Variants in HAL observed in about 807,000 individuals in gnomAD.
HAL encodes histidine ammonia-lyase, also known as histidase.
A neutral mutation model predicts 81.1 loss-of-function variants in HAL; 85 were observed. The ratio of observed to expected loss-of-function variants is 1.05; its 90% CI spans 0.88 to 1.25. The LOEUF (loss-of-function observed/expected upper bound fraction) is 1.25, where lower values mean the gene tolerates loss of function less well. Among genes scored for constraint, HAL ranks in the 50% most tolerant of loss-of-function variants. The pLI, the probability that HAL is intolerant of heterozygous loss-of-function variation, is 0.00. For missense variants in HAL, 798 were observed against 836.6 expected, an observed-to-expected ratio of 0.95 and a Z score of 0.57; for synonymous variants, 301 against 309.2, an observed-to-expected ratio of 0.97 and a Z score of 0.28.
intron 11 of HAL, among the ~76,000 whole-genome samples, 198 bp from the exon 12 acceptor site, chr12:95,987,412 C>T (rs376462637): frequency 3.9e-5 from 6 of 152,336 alleles, no homozygotes; most frequent in Non-Finnish European, 7.3e-5. Flanking sequence ...TATGTGAACT[C>T]GTAAGCACAA....
In HAL at chr12:95,995,890, G is replaced by A. The variant is rs1486703072; in HGVS notation, c.21C>T (p.His7=). 5 of 1,605,376 alleles carry A rather than the reference G, an allele frequency of 3.1e-6. No homozygotes were observed. The highest frequency in any genetic ancestry group is 1.3e-5 in the African/African-American group (1 of 75,066). Residue 7 remains histidine, a synonymous_variant, in exon 2 of 21, where the codon CAC becomes CAT. Coordinates refer to ENST00000261208, the MANE Select transcript of HAL (RefSeq NM_002108.4). ...GCACTGCCAGCCATTCCCCACGTACGTGCACCGTGTATCTGGGCATGGCTC... is the reference window on the plus strand; with the variant it reads ...GCACTGCCAGCCATTCCCCACGTACATGCACCGTGTATCTGGGCATGGCTC... MPRYTV[H]VRGEWLAVPC... is the part of the protein sequence containing the mutation.
rs865839161 is a variant in HAL at position 95,974,194 on chromosome 12, T to G, written c.*38A>C. The G allele has an allele frequency of 1.9e-6, 3 of 1,593,778 alleles. No homozygotes were observed. In the Middle Eastern group the frequency reaches 5.0e-4, roughly 264 times the overall value. ...AGCCTAGTATTGCTTTGTGCTAAAC[T>G]GACTGCCCTCTCATCTGCTACTTCA... On this transcript the variant is annotated 3_prime_UTR_variant, in exon 21 of 21. Coordinates refer to ENST00000261208, the MANE Select transcript of HAL (RefSeq NM_002108.4).
In HAL at chr12:95,992,704, T is replaced by C. The variant is rs758066170; in HGVS notation, c.691A>G (p.Lys231Glu). ...CCATTAAACATTTCTATGACTTGTT[T>C]GAGGGTCTCCAGGGAAATGCCACTG... Reference protein sequence around the residue: ...GYSGISLETLKQVIEMFNASC... With the variant: ...GYSGISLETLEQVIEMFNASC... Residue 231 changes from lysine (K) to glutamate (E), a missense_variant, in exon 9 of 21, where the codon AAA becomes GAA. Transcript: ENST00000261208. The C allele has an allele frequency of 1.9e-6, 3 of 1,612,926 alleles. No individual in the cohort carries two copies. In the African/African-American group the frequency reaches 4.0e-5, roughly 22 times the overall value.
chr12:95,980,195 T>C (rs542901791), intron 17 of HAL, among the ~76,000 whole-genome samples: 1 of 152,338 alleles, frequency 6.6e-6, no homozygotes, highest in East Asian at 1.9e-4. Flanking sequence ...TGGTTCAAGT[T>C]TCACCATTAA....
At chr12:95,986,967 A>C in intron 12 of HAL, 100 bp downstream of exon 12, 1 of 1,022,024 alleles carries the variant, frequency 9.8e-7, no homozygotes, top group Non-Finnish European at 1.5e-6. Context: ...CTCCTTCCCT[A>C]CTACCTGCCC....
chr12:95,986,937 G>T, intron 12 of HAL, 130 bp downstream of exon 12: 1 of 786,876 alleles, frequency 1.3e-6, no homozygotes, highest in Non-Finnish European at 2.2e-6. Context: ...CACTGGGTAC[G>T]CCACAGGCAC....
intron 18 of HAL, among the ~76,000 whole-genome samples, chr12:95,976,938 A>G (rs897417480): frequency 1.3e-5 from 2 of 152,194 alleles, no homozygotes; most frequent in Non-Finnish European, 2.9e-5. Context: ...TTACCTGAAT[A>G]ATTACCAGAC....
At chr12:95,983,590 G>A (rs151172556) in intron 15 of HAL, 216 of 395,248 alleles carry the variant, frequency 5.5e-4, no homozygotes, top group African/African-American at 3.7e-3. Flanking sequence ...CAACAACCTT[G>A]GCAGTGGGTT....
chr12:95,995,807 TAGCGCCTCACGGCCTCCCGGCCCAGCC>T lies in HAL; in HGVS notation c.77_103del (p.Trp26_Arg34del). The T allele has an allele frequency of 6.2e-7, 1 of 1,613,102 alleles. No homozygotes were observed. Among genetic ancestry groups the T allele is most frequent in the Non-Finnish European group, 8.5e-7 (1 of 1,180,012 alleles). ...ACCATTGTCGGGCTTATTCTTGATA[TAGCGCCTCACGGCCTCCCGGCCCAGCC>T]AGCCCACAGTGAGCTGCGCGTCCTG... is the stretch of plus-strand genomic sequence containing the variant. On this transcript the variant is annotated inframe_deletion, in exon 2 of 21. Transcript: ENST00000261208.
intron 15 of HAL, among the ~76,000 whole-genome samples, chr12:95,983,232 A>G (rs1030269096): frequency 1.3e-5 from 2 of 152,178 alleles, no homozygotes; most frequent in African/African-American, 4.8e-5. Flanking sequence ...TACTAAAAAT[A>G]CAAATATTAG....
intron 11 of HAL, among the ~76,000 whole-genome samples, chr12:95,987,637 T>C (rs1471940024): frequency 6.6e-6 from 1 of 152,214 alleles, no homozygotes; most frequent in Non-Finnish European, 1.5e-5. Context: ...CATCTATCTC[T>C]CAGAGATCCT....
intron 11 of HAL, among the ~76,000 whole-genome samples, 188 bp downstream of exon 11, chr12:95,988,005 G>GCATC (rs1949916706): frequency 6.6e-6 from 1 of 152,186 alleles, no homozygotes; most frequent in Non-Finnish European, 1.5e-5. Context: ...AGGATTACAG[G>GCATC]CATCCGCCAC....
intron 17 of HAL, 43 bp from the exon 18 acceptor site, chr12:95,978,121 T>G: frequency 1.9e-6 from 3 of 1,547,408 alleles, no homozygotes; most frequent in Non-Finnish European, 2.7e-6. Flanking sequence ...CCTCACAGGA[T>G]GAGCTGTCTA....
Position 95,995,729 on chromosome 12 carries a change from A to G in HAL, c.182T>C (p.Leu61Pro). 6.2e-7 allele frequency: 1 copy of G among 1,613,818 alleles called. No individual in the cohort carries two copies. ...CCGGTCCTCGTTGTCCAGCAGGCCC[A>G]GGCCCTTGCACCGGCGCACAAGGAA... Reference protein sequence around the residue: ...AHFLVRRCKGLGLLDNEDRLE... With the variant: ...AHFLVRRCKGPGLLDNEDRLE... The change falls in exon 2 of 21, where the codon CTG becomes CCG. Residue 61 changes from leucine (L) to proline (P), a missense_variant. Coordinates refer to ENST00000261208, the MANE Select transcript of HAL (RefSeq NM_002108.4).
At chr12:95,991,135 G>A (rs946612712) in intron 9 of HAL, among the ~76,000 whole-genome samples, 7 of 151,796 alleles carry the variant, frequency 4.6e-5, no homozygotes, top group Non-Finnish European at 8.8e-5. Context: ...GAAGGAAGGA[G>A]GACACTTCTG....
At chr12:95,982,549 C>T (rs1208516453) in intron 15 of HAL, among the ~76,000 whole-genome samples, 3 of 152,174 alleles carry the variant, frequency 2.0e-5, no homozygotes, top group Non-Finnish European at 4.4e-5. Flanking sequence ...AACTACTATT[C>T]CATCTGGGGG....
At chr12:95,986,488 T>C (rs1949890524) in intron 12 of HAL, among the ~76,000 whole-genome samples, 2 of 152,190 alleles carry the variant, frequency 1.3e-5, no homozygotes, top group Non-Finnish European at 2.9e-5. Context: ...TGACTCCTTC[T>C]ACTTTAAATA....
chr12:95,987,941 G>A (rs892469935), intron 11 of HAL, among the ~76,000 whole-genome samples: 2 of 151,758 alleles, frequency 1.3e-5, no homozygotes, highest in African/African-American at 4.8e-5. Context: ...TGCCCAGGCT[G>A]GTCTCAAACT....
chr12:95,984,556 A>G (rs1012007865), intron 14 of HAL, among the ~76,000 whole-genome samples: 7 of 152,250 alleles, frequency 4.6e-5, no homozygotes, highest in Non-Finnish European at 1.0e-4. Flanking sequence ...CCACAATGCT[A>G]TAAAGCAGCA....
Sources: gnomAD v4.1 joint callset for allele counts (sites outside exome capture counted in the v4.1 genomes callset) on GRCh38, gnomAD v4.1.1 for gene constraint, MANE v1.5 for transcripts, NCBI Gene and HGNC (gene_info 2026-07-23, HGNC 2026-07-21) for gene names.